Variants in WT1 observed in about 807,000 individuals in gnomAD.
The protein encoded by WT1 is WT1 transcription factor.
A neutral mutation model predicts 60.8 loss-of-function variants in WT1; 8 were observed. The ratio of observed to expected loss-of-function variants is 0.13; its 90% confidence interval spans 0.08 to 0.24. The LOEUF is 0.24. Among genes scored for constraint, WT1 ranks in the 10% least tolerant of loss-of-function variants. The pLI, the probability that WT1 is intolerant of heterozygous loss-of-function variation, is 1.00. For synonymous variants in WT1, 312 were observed against 297.1 expected (o/e 1.05, Z -0.52); for missense variants, 568 against 711.8 (o/e 0.80, Z 2.30).
At chr11:32,401,993 T>A (rs1195052971) in intron 5 of WT1, among the ~76,000 whole-genome samples, 1 of 152,076 alleles carries the variant, frequency 6.6e-6, no homozygotes, top group East Asian at 1.9e-4. Flanking sequence ...CTCCATCTGG[T>A]GTGGTGTGGG....
At chr11:32,423,847 T>G (rs922058198) in intron 3 of WT1, among the ~76,000 whole-genome samples, 1 of 152,234 alleles carries the variant, frequency 6.6e-6, no homozygotes, top group African/African-American at 2.4e-5. Context: ...CATAAGCATG[T>G]GCTCTTATGA....
At chr11:32,395,451 A>T (rs2132934662) in intron 7 of WT1, among the ~76,000 whole-genome samples, 1 of 152,074 alleles carries the variant, frequency 6.6e-6, no homozygotes, top group African/African-American at 2.4e-5. Flanking sequence ...ATCTTCAAAG[A>T]TAAAAAATCA....
intron 7 of WT1, among the ~76,000 whole-genome samples, chr11:32,394,684 T>C (rs1399274141): frequency 2.0e-5 from 3 of 152,226 alleles, no homozygotes; most frequent in Non-Finnish European, 2.9e-5. Flanking sequence ...ACTGTTGTTA[T>C]AAATAAATAA....
intron 5 of WT1, among the ~76,000 whole-genome samples, chr11:32,406,731 A>T (rs1386884268): frequency 1.3e-5 from 2 of 152,210 alleles, no homozygotes; most frequent in Admixed American, 6.5e-5. Flanking sequence ...CCTGGACTGT[A>T]CATTTTGCTA....
chr11:32,430,455 GGAGAGAGAGAGAGA>G (rs529663782), intron 1 of WT1: 89 of 898,554 alleles, frequency 9.9e-5, no homozygotes, highest in African/African-American at 3.0e-4. Context: ...AGAGAGGGAG[GGAGAGAGAGAGAGA>G]GAGAGAGAGA....
intron 5 of WT1, among the ~76,000 whole-genome samples, chr11:32,407,244 C>A (rs1852341859): frequency 7.3e-6 from 1 of 137,920 alleles, no homozygotes; most frequent in South Asian, 2.1e-4. Context: ...TCAGGAAAAA[C>A]AAAAAAACAA....
At chr11:32,427,913 C>T (rs745596305) in intron 3 of WT1, 43 bp downstream of exon 3, 7 of 1,565,314 alleles carry the variant, frequency 4.5e-6, no homozygotes, top group Non-Finnish European at 5.2e-6. Context: ...GCGTCCCCTC[C>T]GGGGTCCCAA....
intron 2 of WT1, 27 bp from the exon 3 acceptor site, chr11:32,428,085 G>A (rs1189365408): frequency 1.3e-6 from 2 of 1,573,660 alleles, no homozygotes; most frequent in Non-Finnish European, 1.7e-6. Context: ...AGACAGCTGA[G>A]CGAGTGCGCC....
At chr11:32,398,143 T>C (rs1270189300) in intron 6 of WT1, among the ~76,000 whole-genome samples, 1 of 152,150 alleles carries the variant, frequency 6.6e-6, no homozygotes, top group Non-Finnish European at 1.5e-5. Flanking sequence ...CCTTTATTGC[T>C]CTCCATTGAA....
At chr11:32,420,909 A>G (rs1852833431) in intron 3 of WT1, among the ~76,000 whole-genome samples, 1 of 152,142 alleles carries the variant, frequency 6.6e-6, no homozygotes, top group Admixed American at 6.6e-5. Flanking sequence ...AGAGGAGAGA[A>G]GGTGGGGAGG....
intron 1 of WT1, among the ~76,000 whole-genome samples, chr11:32,429,997 AG>A (rs1853221952): frequency 1.5e-5 from 2 of 131,718 alleles, no homozygotes; most frequent in Admixed American, 7.0e-5. Context: ...AAAAAGAAAA[AG>A]AAAAAAAAAA....
intron 3 of WT1, among the ~76,000 whole-genome samples, chr11:32,420,296 G>A (rs1051803294): frequency 3.3e-5 from 5 of 151,974 alleles, no homozygotes; most frequent in Non-Finnish European, 7.4e-5. Flanking sequence ...TATAAGTTTT[G>A]GGACATTGAG....
chr11:32,428,700 G>GA lies in WT1; in HGVS notation c.662-82_662-81insT, dbSNP rs1554945282. 26 of 1,549,634 alleles carry GA rather than the reference G, an allele frequency of 1.7e-5. No homozygotes were observed. The African/African-American group carries it at 3.4e-4, about 20-fold the overall frequency. On this transcript the variant is annotated intron_variant, in intron 1 of 9. Coordinates refer to ENST00000452863, the MANE Select transcript of WT1 (RefSeq NM_024426.6). ...AGTGGGTCTGAACCAGCCACGGGCG[G>GA]GGGGGGTGTGCGCTGAACCCCGCAT...
intron 3 of WT1, among the ~76,000 whole-genome samples, chr11:32,427,103 G>T (rs1853074202): frequency 6.6e-6 from 1 of 152,194 alleles, no homozygotes; most frequent in African/African-American, 2.4e-5. Flanking sequence ...GAGGTCATGC[G>T]CGCCCAATCC....
chr11:32,410,346 C>T (rs1441050529), intron 5 of WT1, among the ~76,000 whole-genome samples: 5 of 152,154 alleles, frequency 3.3e-5, no homozygotes, highest in African/African-American at 7.2e-5. Flanking sequence ...CTCCTTCTCC[C>T]GACCTTCTTT....
Position 32,427,962 on chromosome 11 carries a change from T to G in WT1, c.881A>C (p.Tyr294Ser). 1 of 1,610,566 alleles carries G rather than the reference T, an allele frequency of 6.2e-7. No individual in the cohort carries two copies. Among genetic ancestry groups the G allele is most frequent in the Non-Finnish European group, 8.5e-7 (1 of 1,178,852 alleles). ...GAGCCCAGCGCCTTCCTACCTGCTGTAGGGCGTCCTCAGCAGCAAAGCCTG... is the reference window on the plus strand; with the variant it reads ...GAGCCCAGCGCCTTCCTACCTGCTGGAGGGCGTCCTCAGCAGCAAAGCCTG... Residue 294 changes from tyrosine (Y) to serine (S), a missense_variant, in exon 3 of 10, where the codon TAC becomes TCC. By Grantham distance (144) the Tyr-to-Ser change is moderately radical. Around this residue, in one of 3 missense-constraint regions of WT1, gnomAD observed 523 missense variants for 565.1 expected, o/e 0.93. Transcript: ENST00000452863.
Position 32,428,617 on chromosome 11 carries a change from A to G in WT1, c.664T>C (p.Tyr222His), listed in dbSNP as rs746367691. 1 of 1,613,186 alleles carries G rather than the reference A, an allele frequency of 6.2e-7. No homozygotes were observed. Among genetic ancestry groups the G allele is most frequent in the South Asian group, 1.1e-5 (1 of 91,070 alleles). Residue 222 changes from tyrosine to histidine, a missense_variant and splice_region_variant, in exon 2 of 10, where the codon TAC (tyrosine) becomes CAC (histidine). Transcript: ENST00000452863. ...GTCCCGTCGAAGGTGACCGTGCTGT[A>G]ACCTGCGGGAGCGGCGGAGAGAAGC... is the stretch of plus-strand genomic sequence containing the variant.
chr11:32,432,671 G>A (rs1033634438), intron 1 of WT1, among the ~76,000 whole-genome samples: 3 of 152,032 alleles, frequency 2.0e-5, no homozygotes, highest in Non-Finnish European at 4.4e-5. Context: ...TGGCAGCCAC[G>A]CCTGTATATT....
At chr11:32,406,809 A>G (rs561299685) in intron 5 of WT1, among the ~76,000 whole-genome samples, 7 of 152,280 alleles carry the variant, frequency 4.6e-5, no homozygotes, top group South Asian at 2.1e-4. Flanking sequence ...TTTAAAATGC[A>G]TAAACACGGC....
Sources: gnomAD v4.1 joint callset for allele counts (sites outside exome capture counted in the v4.1 genomes callset) on GRCh38, gnomAD v4.1.1 for gene constraint, gnomAD v4.1.1 regional missense constraint, MANE v1.5 for transcripts, NCBI Gene and HGNC (gene_info 2026-07-23, HGNC 2026-07-21) for gene names.